The following ROBO2 variants were observed in gnomAD, a reference collection of about 807,000 sequenced individuals.
The protein encoded by ROBO2 is roundabout homolog 2.
Under a neutral mutation model 160.8 loss-of-function variants are expected in ROBO2, and 53 were observed. The ratio of observed to expected loss-of-function variants is 0.33; its 90% confidence interval spans 0.26 to 0.41. The LOEUF (loss-of-function observed/expected upper bound fraction) is 0.41, where lower values mean the gene tolerates loss of function less well. Ranked by LOEUF, ROBO2 falls within the 10% of genes least tolerant of loss-of-function variation. The pLI, the probability that ROBO2 is intolerant of heterozygous loss-of-function variation, is 1.00. For synonymous variants in ROBO2, 664 were observed against 611.7 expected (o/e 1.09, Z -1.26); for missense variants, 1,577 against 1,722.4 (o/e 0.92, Z 1.49).
intron 2 of ROBO2, among the ~76,000 whole-genome samples, chr3:76,150,468 C>T (rs1181381776): frequency 6.6e-6 from 1 of 152,088 alleles, no homozygotes; most frequent in African/African-American, 2.4e-5. Flanking sequence ...GTCTAAAACA[C>T]ACATATGTCT....
chr3:76,329,142 C>G (rs2073280186), intron 2 of ROBO2, among the ~76,000 whole-genome samples: 1 of 152,014 alleles, frequency 6.6e-6, no homozygotes, highest in Admixed American at 6.6e-5. Flanking sequence ...CTTCACCTAC[C>G]CCAAGTCCCC....
chr3:76,769,431 C>G (rs953683838), intron 2 of ROBO2, among the ~76,000 whole-genome samples: 7 of 151,280 alleles, frequency 4.6e-5, no homozygotes, highest in African/African-American at 1.7e-4. Flanking sequence ...GTTAACTTAT[C>G]TTGGTCGGCT....
intron 2 of ROBO2, among the ~76,000 whole-genome samples, chr3:76,461,490 A>G (rs749622164): frequency 6.6e-6 from 1 of 152,242 alleles, no homozygotes; most frequent in Non-Finnish European, 1.5e-5. Flanking sequence ...ACAATGCTTA[A>G]AAGTAATATC....
chr3:76,834,187 CTCTTTCTTTCTT>C (rs1307644698), intron 2 of ROBO2, among the ~76,000 whole-genome samples: 1 of 111,786 alleles, frequency 8.9e-6, no homozygotes, highest in Non-Finnish European at 1.9e-5. Context: ...CTCTCTCTCT[CTCTTTCTTTCTT>C]TCTTTCTTTC....
intron 2 of ROBO2, among the ~76,000 whole-genome samples, chr3:77,413,338 G>T (rs1050290014): frequency 6.6e-6 from 1 of 152,126 alleles, no homozygotes; most frequent in Non-Finnish European, 1.5e-5. Context: ...TACGAAAAGC[G>T]AGGAGTTCCA....
chr3:76,141,135 CTCTCTCTCTCTCTCTCTCTCTCTCTA>C (rs1246946204), intron 2 of ROBO2, among the ~76,000 whole-genome samples: 10 of 55,212 alleles, frequency 1.8e-4, no homozygotes, highest in African/African-American at 7.6e-4. Flanking sequence ...CTCTCTCTCT[CTCTCTCTCTCTCTCTCTCTCTCTCTA>C]TATATATATA....
intron 2 of ROBO2, among the ~76,000 whole-genome samples, chr3:76,492,641 A>G (rs372039264): frequency 6.6e-6 from 1 of 151,928 alleles, no homozygotes; most frequent in African/African-American, 2.4e-5. Flanking sequence ...AAACTTCTCA[A>G]TGCCTTACTG....
intron 2 of ROBO2, among the ~76,000 whole-genome samples, chr3:76,337,499 G>A (rs982869728): frequency 6.6e-6 from 1 of 152,076 alleles, no homozygotes; most frequent in Admixed American, 6.6e-5. Flanking sequence ...ATTTGGTTAC[G>A]GCTTGCTTGG....
chr3:77,044,724 A>G (rs779156745), intron 1 of ROBO2, among the ~76,000 whole-genome samples: 30 of 152,154 alleles, frequency 2.0e-4, no homozygotes, highest in Non-Finnish European at 2.9e-4. Flanking sequence ...CTTTTACCCC[A>G]CAATACTATA....
chr3:77,391,449 G>T (rs537935368), intron 2 of ROBO2, among the ~76,000 whole-genome samples: 1 of 151,928 alleles, frequency 6.6e-6, no homozygotes, highest in East Asian at 2.0e-4. Flanking sequence ...TGGACTACAG[G>T]TGCACACCTG....
chr3:76,194,127 A>G (rs1248178757), intron 2 of ROBO2, among the ~76,000 whole-genome samples: 1 of 151,828 alleles, frequency 6.6e-6, no homozygotes, highest in African/African-American at 2.4e-5. Context: ...TAGTAATGCA[A>G]GTTTAATTCT....
At chr3:77,304,625 C>T (rs367594082) in intron 2 of ROBO2, among the ~76,000 whole-genome samples, 1 of 152,188 alleles carries the variant, frequency 6.6e-6, no homozygotes, top group Non-Finnish European at 1.5e-5. Flanking sequence ...ACTGAAATTT[C>T]TATTTCATTC....
Position 76,219,122 on chromosome 3 carries a change from G to A in ROBO2, c.109+281520G>A, listed in dbSNP as rs1703774789. On this transcript the variant is annotated intron_variant, in intron 2 of 26. Transcript: ENST00000487694. ...ACTGGCTAGCCATATGTAGAAAGTT[G>A]AAACTGGATCCCTTCCTTACACCTT... Among the ~76,000 whole-genome samples, 3 of 152,172 alleles carry A rather than the reference G, an allele frequency of 2.0e-5. No homozygotes were observed. The South Asian group carries it at 6.2e-4, about 31-fold the overall frequency.
chr3:76,555,426 A>AAGGGGAAGGG (rs1560141776), intron 2 of ROBO2, among the ~76,000 whole-genome samples: 1 of 96,972 alleles, frequency 1.0e-5, no homozygotes, highest in South Asian at 4.5e-4. Context: ...AGAAAGAAGG[A>AAGGGGAAGGG]GAAGGGGAAG....
At chr3:77,523,493 C>T (rs779834937) in intron 6 of ROBO2, among the ~76,000 whole-genome samples, 1 of 151,494 alleles carries the variant, frequency 6.6e-6, no homozygotes, top group East Asian at 1.9e-4. Flanking sequence ...ATAACTTTCA[C>T]TTTCTGGGTG....
chr3:77,329,063 C>T (rs991397445), intron 2 of ROBO2, among the ~76,000 whole-genome samples: 19 of 152,110 alleles, frequency 1.2e-4, no homozygotes, highest in Non-Finnish European at 2.6e-4. Flanking sequence ...ATCCAAGTCT[C>T]CCTAAAACCC....
chr3:76,165,060 T>G, intron 2 of ROBO2, among the ~76,000 whole-genome samples: 1 of 286 alleles, frequency 3.5e-3, no homozygotes, highest in African/African-American at 3.6e-3. Flanking sequence ...AGTCTACATA[T>G]TTTTTTTTTA....
intron 2 of ROBO2, among the ~76,000 whole-genome samples, chr3:75,990,797 G>C (rs542758564): frequency 6.6e-6 from 1 of 152,196 alleles, no homozygotes; most frequent in Admixed American, 6.5e-5. Flanking sequence ...TTGACCTAAG[G>C]AATACCCAGG....
chr3:77,563,065 C>T lies in ROBO2; in HGVS notation c.1520-102C>T. On this transcript the variant is annotated intron_variant, in intron 10 of 25. Transcript: ENST00000461745. ...TTCTGATTCATGGAGATGAATTTCT[C>T]ACTGTCTAGGTCAGGTCCTTTAGTA... The T allele has an allele frequency of 2.9e-6, 3 of 1,043,024 alleles. No individual in the cohort carries two copies. In the South Asian group the frequency reaches 4.1e-5, roughly 14 times the overall value. The allele number at this position is 1,043,024 out of a possible 1,614,324, so 64.6% of individuals were successfully genotyped here.
Sources: allele counts gnomAD v4.1 joint callset (sites outside exome capture counted in the v4.1 genomes callset), GRCh38; gene constraint gnomAD v4.1.1; transcripts MANE v1.5; gene names NCBI Gene and HGNC (gene_info 2026-07-23, HGNC 2026-07-21).